Variants in SPAG16 observed in about 807,000 individuals in gnomAD.
The protein encoded by SPAG16 is sperm-associated antigen 16 protein.
SPAG16 carries 86 observed loss-of-function variants against 80.4 expected under a neutral mutation model. That is an observed-to-expected ratio of 1.07 (90% CI 0.90 to 1.28). SPAG16 has a LOEUF of 1.28. Ranked by LOEUF, SPAG16 falls within the 50% of genes most tolerant of loss-of-function variation. The pLI is 0.00. For synonymous variants in SPAG16, 294 were observed against 265.9 expected (o/e 1.11, Z -1.03); for missense variants, 870 against 765.3 (o/e 1.14, Z -1.61).
chr2:213,651,775 A>G (rs943355578), intron 10 of SPAG16, among the ~76,000 whole-genome samples: 3 of 152,110 alleles, frequency 2.0e-5, no homozygotes, highest in African/African-American at 7.2e-5. Flanking sequence ...TTGTTTCGAT[A>G]TTGTTTGGGT....
At chr2:213,922,014 C>T (rs868413382) in intron 11 of SPAG16, among the ~76,000 whole-genome samples, 2 of 152,106 alleles carry the variant, frequency 1.3e-5, no homozygotes, top group African/African-American at 2.4e-5. Flanking sequence ...AGATGGTCTT[C>T]ATGTATAATA....
intron 13 of SPAG16, among the ~76,000 whole-genome samples, chr2:214,073,946 A>C (rs138907670): frequency 6.7e-4 from 102 of 152,336 alleles, no homozygotes; most frequent in Non-Finnish European, 1.2e-3. Flanking sequence ...AATGGATTGA[A>C]TGTTTGTGTC....
At chr2:213,448,074 C>T (rs2071449000) in intron 9 of SPAG16, among the ~76,000 whole-genome samples, 4 of 152,160 alleles carry the variant, frequency 2.6e-5, no homozygotes, top group Admixed American at 2.6e-4. Context: ...GATTGCCAGG[C>T]CAATTCCACC....
At chr2:214,108,464 CACACACACACACACA>C (rs1481990418) in intron 14 of SPAG16, among the ~76,000 whole-genome samples, 3 of 99,134 alleles carry the variant, frequency 3.0e-5, no homozygotes, top group Non-Finnish European at 6.5e-5. Flanking sequence ...CACACACACA[CACACACACACACACA>C]CCCCCACACA....
At chr2:214,112,029 G>T (rs1644776928) in intron 14 of SPAG16, among the ~76,000 whole-genome samples, 3 of 152,134 alleles carry the variant, frequency 2.0e-5, no homozygotes, top group Admixed American at 2.0e-4. Context: ...TTTGGGCTGA[G>T]GCGATGGGGT....
intron 10 of SPAG16, among the ~76,000 whole-genome samples, chr2:213,628,073 A>T (rs1260238327): frequency 6.6e-6 from 1 of 152,228 alleles, no homozygotes; most frequent in African/African-American, 2.4e-5. Context: ...ATTGTTAAAG[A>T]AGCCACTCAG....
intron 10 of SPAG16, among the ~76,000 whole-genome samples, chr2:213,598,684 A>G (rs1273843779): frequency 6.6e-6 from 1 of 152,160 alleles, no homozygotes; most frequent in Non-Finnish European, 1.5e-5. Context: ...GTCTCAAATT[A>G]AATAATAAAA....
At chr2:214,105,277 G>A (rs1243107740) in intron 13 of SPAG16, among the ~76,000 whole-genome samples, 1 of 152,164 alleles carries the variant, frequency 6.6e-6, no homozygotes, top group African/African-American at 2.4e-5. Flanking sequence ...GGAGAAGTAA[G>A]GGTGGATATG....
chr2:213,739,159 T>C (rs1446465520), intron 10 of SPAG16, among the ~76,000 whole-genome samples: 1 of 152,202 alleles, frequency 6.6e-6, no homozygotes, highest in Non-Finnish European at 1.5e-5. Context: ...TTATAACAAA[T>C]GGTTCATGAA....
intron 15 of SPAG16, among the ~76,000 whole-genome samples, chr2:214,287,844 T>A (rs548417091): frequency 6.6e-6 from 1 of 152,356 alleles, no homozygotes; most frequent in East Asian, 1.9e-4. Context: ...TTGTTACATA[T>A]GTAGAATAGG....
At chr2:213,620,466 G>T (rs1325215492) in intron 10 of SPAG16, among the ~76,000 whole-genome samples, 1 of 151,702 alleles carries the variant, frequency 6.6e-6, no homozygotes, top group South Asian at 2.1e-4. Flanking sequence ...CTAATTTTTT[G>T]TATTTTTAGT....
intron 5 of SPAG16, among the ~76,000 whole-genome samples, chr2:213,328,927 C>G (rs2063959990): frequency 2.0e-5 from 3 of 152,020 alleles, no homozygotes; most frequent in Admixed American, 1.3e-4. Flanking sequence ...TGCTGTTCTC[C>G]TGATAGGGAA....
chr2:214,173,180 T>C (rs2056943818), intron 15 of SPAG16, among the ~76,000 whole-genome samples: 1 of 152,126 alleles, frequency 6.6e-6, no homozygotes, highest in African/African-American at 2.4e-5. Flanking sequence ...CCCATGCCTA[T>C]GTCCTGAATG....
chr2:214,266,655 T>C (rs1691596412), intron 15 of SPAG16, among the ~76,000 whole-genome samples: 1 of 151,836 alleles, frequency 6.6e-6, no homozygotes, highest in Non-Finnish European at 1.5e-5. Context: ...TGAAATTGTC[T>C]CTGTGTACTG....
At chr2:213,947,820 A>G (rs944529569) in intron 12 of SPAG16, among the ~76,000 whole-genome samples, 4 of 152,120 alleles carry the variant, frequency 2.6e-5, no homozygotes, top group African/African-American at 9.7e-5. Flanking sequence ...TTTCACAAAT[A>G]TCATATAGTT....
At chr2:213,613,622 C>G (rs537174518) in intron 10 of SPAG16, among the ~76,000 whole-genome samples, 1 of 152,212 alleles carries the variant, frequency 6.6e-6, no homozygotes, top group African/African-American at 2.4e-5. Flanking sequence ...ACATCTCTGA[C>G]ACCTCCTATC....
At chr2:214,139,195 T>C (rs1167208930) in intron 14 of SPAG16, among the ~76,000 whole-genome samples, 1 of 152,192 alleles carries the variant, frequency 6.6e-6, no homozygotes, top group East Asian at 1.9e-4. Context: ...CAAAGTTTAT[T>C]GCCAGTTGAC....
chr2:213,781,968 G>T (rs765135094), intron 10 of SPAG16, among the ~76,000 whole-genome samples: 49 of 152,110 alleles, frequency 3.2e-4, no homozygotes, highest in Middle Eastern at 3.2e-3. Context: ...GTTTTCTATA[G>T]CAATAACTAC....
chr2:213,821,991 G>A (rs2072972260), intron 10 of SPAG16, among the ~76,000 whole-genome samples: 3 of 152,266 alleles, frequency 2.0e-5, no homozygotes, highest in South Asian at 4.1e-4. Context: ...TGGCTATTGT[G>A]AACAGTGCTG....
Sources: gnomAD v4.1 joint callset for allele counts (sites outside exome capture counted in the v4.1 genomes callset) on GRCh38, gnomAD v4.1.1 for gene constraint, MANE v1.5 for transcripts, NCBI Gene and HGNC (gene_info 2026-07-23, HGNC 2026-07-21) for gene names.